Variants in BAIAP2 observed in about 807,000 individuals in gnomAD.
BAIAP2 encodes BAR/IMD domain containing adaptor protein 2, also known as BAR/IMD domain-containing adapter protein 2.
A neutral mutation model predicts 63.0 loss-of-function variants in BAIAP2; 18 were observed. The ratio of observed to expected loss-of-function variants is 0.29; its 90% CI spans 0.20 to 0.42. BAIAP2 has a LOEUF of 0.42. BAIAP2 is among the 10% of genes least tolerant of loss of function. The pLI is 1.00. For synonymous variants in BAIAP2, 386 were observed against 307.6 expected, an observed-to-expected ratio of 1.25 and a Z score of -2.67; for missense variants, 610 against 734.3, an observed-to-expected ratio of 0.83 and a Z score of 1.96.
intron 3 of BAIAP2, among the ~76,000 whole-genome samples, chr17:81,071,982 C>A (rs557864161): frequency 6.6e-6 from 1 of 152,372 alleles, no homozygotes; most frequent in East Asian, 1.9e-4. Flanking sequence ...GATCATCCCC[C>A]CCTCCCCCTC....
Position 81,038,901 on chromosome 17 carries a change from G to C in BAIAP2, c.54+3593G>C, listed in dbSNP as rs117602881. ...TGGCATTGGAGTCGCCTTCCTGGGTGGGGGGGGCAGCAGACCCGGCACCTG... is the reference window on the plus strand; with the variant it reads ...TGGCATTGGAGTCGCCTTCCTGGGTCGGGGGGGCAGCAGACCCGGCACCTG... On this transcript the variant is annotated intron_variant, in intron 1 of 13. Transcript: ENST00000428708. Among the ~76,000 whole-genome samples the C allele has an allele frequency of 2.2e-4, 32 of 146,292 alleles. 1 individual carries two copies. Among genetic ancestry groups the C allele is most frequent in the East Asian group, 1.4e-3 (7 of 5,150 alleles).
intron 13 of BAIAP2, among the ~76,000 whole-genome samples, chr17:81,112,260 C>G (rs548929096): frequency 6.6e-6 from 1 of 152,362 alleles, no homozygotes; most frequent in East Asian, 1.9e-4. Context: ...GGCACAGCCT[C>G]TGTCAGGGAC....
chr17:81,101,448 G>C (rs1472161908), intron 7 of BAIAP2, among the ~76,000 whole-genome samples: 1 of 152,178 alleles, frequency 6.6e-6, no homozygotes, highest in African/African-American at 2.4e-5. Context: ...AGTTGGGATG[G>C]GATCACATGT....
At chr17:81,049,070 A>G (rs919485829) in intron 1 of BAIAP2, among the ~76,000 whole-genome samples, 3 of 152,218 alleles carry the variant, frequency 2.0e-5, no homozygotes, top group Admixed American at 2.0e-4. Flanking sequence ...AGGAACTGGA[A>G]GTCCGTGCCG....
In BAIAP2 at chr17:81,064,525, C is replaced by T. The variant is rs750561740; in HGVS notation, c.217+6558C>T. Among the ~76,000 whole-genome samples the T allele has an allele frequency of 5.3e-5, 8 of 152,230 alleles. 1 individual carries two copies. In the South Asian group the frequency reaches 1.0e-3, roughly 20 times the overall value. ...CAAGTGAGCCCCAGGTCTCCGGAGCCGGGAGCCAGCCTTGGCCTGCGTGAG... is the reference window on the plus strand; with the variant it reads ...CAAGTGAGCCCCAGGTCTCCGGAGCTGGGAGCCAGCCTTGGCCTGCGTGAG... On this transcript the variant is annotated intron_variant, in intron 3 of 13. Transcript: ENST00000428708.
intron 2 of BAIAP2, 95 bp from the exon 3 acceptor site, chr17:81,057,786 G>A: frequency 6.7e-7 from 1 of 1,496,948 alleles, no homozygotes; most frequent in Non-Finnish European, 9.0e-7. Context: ...AGGAGACAGG[G>A]TTGGGCCTGT....
rs1485321863 is a variant in BAIAP2 at position 81,086,564 on chromosome 17, C to G, written c.473C>G (p.Ser158Trp). ...SQGSKNPQKY[S>W]DKELQYIDAI... is the part of the protein sequence containing the mutation. Reference sequence around the variant, plus strand: ...GGCAGCAAGAATCCTCAGAAGTACTCGGACAAGGAGCTGCAGGTAGGCCCG... The same window carrying G: ...GGCAGCAAGAATCCTCAGAAGTACTGGGACAAGGAGCTGCAGGTAGGCCCG... Residue 158 changes from serine to tryptophan, a missense_variant, in exon 6 of 14, where the codon TCG (serine) becomes TGG (tryptophan). Transcript: ENST00000428708. 1 of 1,613,448 alleles carries G rather than the reference C, an allele frequency of 6.2e-7. No homozygotes were observed. Among genetic ancestry groups the G allele is most frequent in the Non-Finnish European group, 8.5e-7 (1 of 1,180,002 alleles).
chr17:81,035,486 C>G (rs2046091790), intron 1 of BAIAP2, among the ~76,000 whole-genome samples, 178 bp downstream of exon 1: 1 of 148,710 alleles, frequency 6.7e-6, no homozygotes, highest in Non-Finnish European at 1.5e-5. Flanking sequence ...GTGGTGAGCC[C>G]GGCGCCGGCC....
chr17:81,084,241 A>G (rs773928555), intron 3 of BAIAP2, among the ~76,000 whole-genome samples: 14 of 152,172 alleles, frequency 9.2e-5, no homozygotes, highest in Non-Finnish European at 1.6e-4. Context: ...CCATGGGGCC[A>G]GGTCTCCTCA....
intron 12 of BAIAP2, chr17:81,107,301 G>A: frequency 5.1e-6 from 1 of 194,296 alleles, no homozygotes; most frequent in Non-Finnish European, 1.1e-5. Flanking sequence ...GAGAACCACG[G>A]GGCTCCCTCA....
chr17:81,086,834 G>A (rs1473535156), intron 6 of BAIAP2: 1 of 478,142 alleles, frequency 2.1e-6, no homozygotes, highest in South Asian at 2.6e-5. Flanking sequence ...GGCTGAAGGA[G>A]CAGAAACCTA....
At chr17:81,106,706 C>A in intron 11 of BAIAP2, 39 bp from the exon 12 acceptor site, 1 of 1,610,994 alleles carries the variant, frequency 6.2e-7, no homozygotes, top group Non-Finnish European at 8.5e-7. Context: ...TTGGGGGCAT[C>A]CGGCCTGCTG....
rs1373255878 is a variant in BAIAP2 at position 81,109,586 on chromosome 17, C to T, written c.1535+1077C>T. The T allele has an allele frequency of 7.1e-6, 7 of 985,102 alleles. No homozygotes were observed. The Admixed American group carries it at 1.8e-4, about 26-fold the overall frequency. 61.0% of individuals were successfully genotyped at this position (985,102 alleles called of 1,614,324 possible). A position where few individuals can be genotyped will look rare whatever the true frequency, so the allele number is the denominator to read the frequency against. On this transcript the variant is annotated intron_variant, in intron 13 of 13. Coordinates refer to ENST00000428708, the MANE Select transcript of BAIAP2 (RefSeq NM_001144888.2). ...GAGGGGTGCACAGAGAAAGGGGGCT[C>T]GTGCCAAGCTCGAGGGGCCTCCTGA...
Position 81,115,975 on chromosome 17 carries a change from G to C in BAIAP2, c.*136G>C. The C allele has an allele frequency of 6.7e-7, 1 of 1,500,352 alleles. No homozygotes were observed. The highest frequency in any genetic ancestry group is 8.9e-7 in the Non-Finnish European group (1 of 1,125,244). The allele number at this position is 1,500,352 out of a possible 1,614,324, so 92.9% of individuals were successfully genotyped here. A position where few individuals can be genotyped will look rare whatever the true frequency, so the allele number is the denominator to read the frequency against. The stretch of plus-strand genomic sequence containing the variant: ...CCTGGTCTTGCCCCACTTGAGTCTG[G>C]CCTGGACTGGATCCCAGCTGTTCTA... On this transcript the variant is annotated 3_prime_UTR_variant, in exon 14 of 14. Coordinates refer to ENST00000428708, the MANE Select transcript of BAIAP2 (RefSeq NM_001144888.2).
In BAIAP2 at chr17:81,106,733, C is replaced by T; in HGVS notation, c.1338-12C>T. ...GGCCTGCTGGGCCGCCTCTGAGTCC[C>T]TGTCCCTACAGCCTGCAGCAAGGGA... is the stretch of plus-strand genomic sequence containing the variant. On this transcript the variant is annotated splice_polypyrimidine_tract_variant and intron_variant, in intron 11 of 13. Coordinates refer to ENST00000428708, the MANE Select transcript of BAIAP2 (RefSeq NM_001144888.2). The T allele has an allele frequency of 1.2e-6, 2 of 1,612,508 alleles. No homozygotes were observed. The highest frequency in any genetic ancestry group is 1.7e-6 in the Non-Finnish European group (2 of 1,179,740).
intron 1 of BAIAP2, among the ~76,000 whole-genome samples, chr17:81,038,648 C>T (rs1384679057): frequency 4.6e-5 from 7 of 152,216 alleles, no homozygotes; most frequent in African/African-American, 1.2e-4. Flanking sequence ...TTGGGTTTGC[C>T]GCCTCTGGTG....
chr17:81,100,052 C>A lies in BAIAP2; in HGVS notation c.614C>A (p.Ala205Asp). Residue 205 changes from alanine to aspartate, a missense_variant, in exon 7 of 14, where the codon GCC becomes GAC. Ala to Asp is a moderately radical substitution (Grantham distance 126). Around this residue, in one of 5 missense-constraint regions of BAIAP2, gnomAD observed 389 missense variants for 455.6 expected, o/e 0.85. Transcript: ENST00000428708. ...CFLVEKQCAV[A>D]KNSAAYHSKG... Reference sequence around the variant, plus strand: ...CTGGTGGAGAAGCAGTGCGCCGTGGCCAAGAACTCCGCGGCCTACCACTCC... The same window carrying A: ...CTGGTGGAGAAGCAGTGCGCCGTGGACAAGAACTCCGCGGCCTACCACTCC... 1 of 1,611,928 alleles carries A rather than the reference C, an allele frequency of 6.2e-7. No individual in the cohort carries two copies. The highest frequency in any genetic ancestry group is 1.3e-5 in the African/African-American group (1 of 75,028).
At chr17:81,069,698 T>C (rs1373310034) in intron 3 of BAIAP2, among the ~76,000 whole-genome samples, 1 of 152,020 alleles carries the variant, frequency 6.6e-6, no homozygotes, top group African/African-American at 2.4e-5. Flanking sequence ...CTCGGGGGAC[T>C]CTCCCCCGCC....
chr17:81,073,348 G>A lies in BAIAP2; in HGVS notation c.218-11484G>A, dbSNP rs185303993. Among the ~76,000 whole-genome samples the A allele has an allele frequency of 3.5e-4, 53 of 152,318 alleles. No homozygotes were observed. The East Asian group carries it at 0.01, about 29-fold the overall frequency. On this transcript the variant is annotated intron_variant, in intron 3 of 13. Coordinates refer to ENST00000428708, the MANE Select transcript of BAIAP2 (RefSeq NM_001144888.2). ...GTTTGTAGGAGTACCAGGCCGGGGT[G>A]GGGAGGTGGAGGCTGTGCTGCTCCC...
Sources: gnomAD v4.1 joint callset for allele counts (sites outside exome capture counted in the v4.1 genomes callset) on GRCh38, gnomAD v4.1.1 for gene constraint, gnomAD v4.1.1 regional missense constraint, MANE v1.5 for transcripts, NCBI Gene and HGNC (gene_info 2026-07-23, HGNC 2026-07-21) for gene names.